PCNX2: variants seen among roughly 807,000 people sequenced by gnomAD.
PCNX2 encodes the protein pecanex 2.
A neutral mutation model predicts 223.8 loss-of-function variants in PCNX2; 168 were observed. The observed-to-expected ratio is 0.75, with a 90% CI of 0.66 to 0.85. The LOEUF is 0.85. Among genes scored for constraint, PCNX2 ranks in the 40% least tolerant of loss-of-function variants. The probability of loss-of-function intolerance (pLI) is 0.00; values close to 1 mark genes in which losing one functional copy is unlikely to be tolerated. For missense variants in PCNX2, 2,507 were observed against 2,675.5 expected (o/e 0.94, Z 1.39); for synonymous variants, 1,006 against 1,052.6 (o/e 0.96, Z 0.86).
chr1:233,045,061 T>C (rs941003990), intron 25 of PCNX2, among the ~76,000 whole-genome samples: 6 of 152,224 alleles, frequency 3.9e-5, no homozygotes, highest in African/African-American at 7.2e-5. Context: ...ATCATTCTTT[T>C]GGGCTATCCA....
rs1660083951 is a variant in PCNX2 at position 233,262,103 on chromosome 1, G to A, written c.422C>T (p.Pro141Leu). The A allele has an allele frequency of 2.5e-6, 4 of 1,613,852 alleles. No individual in the cohort carries two copies. Among genetic ancestry groups the A allele is most frequent in the Non-Finnish European group, 3.4e-6 (4 of 1,179,810 alleles). The part of the protein sequence containing the change: ...EEASRNLSTP[P>L]LRCSSRGQSI... Reference sequence around the variant, plus strand: ...TTGCCCTCTGGAGCTGCAGCGGAGGGGAGGCGTGGAGAGGTTTCGACTGGC... The same window carrying A: ...TTGCCCTCTGGAGCTGCAGCGGAGGAGAGGCGTGGAGAGGTTTCGACTGGC... The change falls in exon 3 of 34, where the codon CCC becomes CTC. Residue 141 changes from proline to leucine, a missense_variant. Physicochemically the swap from Pro to Leu is moderately conservative, Grantham distance 98 (BLOSUM62 -3). Around this residue, in one of 3 missense-constraint regions of PCNX2, gnomAD observed 1,031 missense variants for 1,021.7 expected, o/e 1.01. Transcript: ENST00000258229.
At chr1:233,318,563 C>CTTTTTCTT in the PCNX2 span, among the ~76,000 whole-genome samples, 1,709 of 92,550 alleles carry the variant, frequency 0.018, 28 homozygotes, top group Middle Eastern at 0.079. Context: ...TTTTCTTTTT[C>CTTTTTCTT]TTTTTTTTTT....
At chr1:233,296,643 G>A (rs1662142623), upstream of PCNX2, among the ~76,000 whole-genome samples, 1 of 152,200 alleles carries the variant, frequency 6.6e-6, no homozygotes, top group Admixed American at 6.5e-5. Context: ...CCCTGTGTGA[G>A]CTAGAGCCTT....
intron 19 of PCNX2, among the ~76,000 whole-genome samples, chr1:233,157,771 C>A (rs1678214889): frequency 6.6e-6 from 1 of 152,160 alleles, no homozygotes; most frequent in Admixed American, 6.5e-5. Context: ...CTTAAATCAT[C>A]TTTAAATTTT....
At chr1:233,027,211 T>C (rs1418803141) in intron 25 of PCNX2, among the ~76,000 whole-genome samples, 1 of 152,154 alleles carries the variant, frequency 6.6e-6, no homozygotes, top group African/African-American at 2.4e-5. Context: ...ACATGAAGAA[T>C]TAACTGTTAG....
At chr1:233,320,734 G>A in the PCNX2 span, among the ~76,000 whole-genome samples, 8 of 152,200 alleles carry the variant, frequency 5.3e-5, no homozygotes, top group East Asian at 7.7e-4. Flanking sequence ...GACATTGGTC[G>A]TTTGGAACAT....
intron 21 of PCNX2, among the ~76,000 whole-genome samples, chr1:233,123,989 G>C (rs1024785427): frequency 6.6e-6 from 1 of 152,044 alleles, no homozygotes; most frequent in Non-Finnish European, 1.5e-5. Flanking sequence ...AGTATATAGA[G>C]GTATCATTTA....
intron 32 of PCNX2, among the ~76,000 whole-genome samples, chr1:232,997,190 C>T (rs1473816684): frequency 7.9e-5 from 12 of 152,174 alleles, no homozygotes; most frequent in Admixed American, 2.0e-4. Flanking sequence ...TTGGGTCTGT[C>T]GCTTGTGTCC....
intron 13 of PCNX2, among the ~76,000 whole-genome samples, chr1:233,206,594 T>C (rs900628584): frequency 5.3e-5 from 8 of 152,100 alleles, no homozygotes; most frequent in South Asian, 2.1e-4. Context: ...TAGAAGCAAA[T>C]ATTCTTGGGC....
the PCNX2 span, among the ~76,000 whole-genome samples, chr1:233,321,101 C>G: frequency 7.1e-6 from 1 of 140,040 alleles, no homozygotes; most frequent in Admixed American, 7.8e-5. Context: ...TCACTGCAAG[C>G]TCCGCCTCCG....
At chr1:233,055,366 G>A (rs1484283577) in intron 24 of PCNX2, among the ~76,000 whole-genome samples, 1 of 152,178 alleles carries the variant, frequency 6.6e-6, no homozygotes, top group African/African-American at 2.4e-5. Context: ...GAAGGAGGAA[G>A]CAGCAAAGAA....
chr1:233,020,045 A>C (rs1670826262), intron 26 of PCNX2, among the ~76,000 whole-genome samples: 1 of 152,216 alleles, frequency 6.6e-6, no homozygotes, highest in East Asian at 1.9e-4. Context: ...AATAACAAAC[A>C]AAGACTGAAA....
chr1:233,105,689 A>G (rs1292015308), intron 21 of PCNX2, among the ~76,000 whole-genome samples: 2 of 152,180 alleles, frequency 1.3e-5, no homozygotes, highest in Non-Finnish European at 2.9e-5. Flanking sequence ...AGGCAAGTAA[A>G]TGTGGCGTTA....
intron 1 of PCNX2, chr1:233,288,804 CTTTTT>C (rs10558976): frequency 0.015 from 6,312 of 427,454 alleles, no homozygotes; most frequent in East Asian, 0.023. Context: ...GAAAGATGCC[CTTTTT>C]TTTTTTTTTT....
chr1:233,250,680 A>T, intron 8 of PCNX2, 59 bp downstream of exon 8: 1 of 1,513,892 alleles, frequency 6.6e-7, no homozygotes, highest in Non-Finnish European at 8.8e-7. Flanking sequence ...CTTTATCTTC[A>T]TCGCTGTGTC....
intron 17 of PCNX2, among the ~76,000 whole-genome samples, chr1:233,168,047 T>G (rs895693817): frequency 2.6e-5 from 4 of 152,136 alleles, no homozygotes; most frequent in Admixed American, 6.5e-5. Context: ...AGTTTAAGTA[T>G]CTGTTTCCTT....
At chr1:233,161,974 A>ATT (rs1424625631) in intron 17 of PCNX2, among the ~76,000 whole-genome samples, 1 of 148,092 alleles carries the variant, frequency 6.8e-6, no homozygotes, top group African/African-American at 2.4e-5. Flanking sequence ...ATATATATAT[A>ATT]TTTATATATA....
chr1:233,057,205 T>G, intron 24 of PCNX2, 27 bp downstream of exon 24: 1 of 1,544,548 alleles, frequency 6.5e-7, no homozygotes, highest in Non-Finnish European at 8.9e-7. Flanking sequence ...AATAAATAGT[T>G]GAAAAAGAGA....
In PCNX2 at chr1:233,089,822, C is replaced by T. The variant is rs183412998; in HGVS notation, c.4076+239G>A. On this transcript the variant is annotated intron_variant, in intron 23 of 33. Coordinates refer to ENST00000258229, the MANE Select transcript of PCNX2 (RefSeq NM_014801.4). ...GTGATAACTCACTTTTCCTTCACAA[C>T]TGGTGAAACCTGGACTAGTATTCGT... 26 of 1,214,270 alleles carry T rather than the reference C, an allele frequency of 2.1e-5. No individual in the cohort carries two copies. In the East Asian group the frequency reaches 9.1e-4, roughly 43 times the overall value. The allele number at this position is 1,214,270 out of a possible 1,614,324, so 75.2% of individuals were successfully genotyped here.
Sources: gnomAD v4.1 joint callset for allele counts (sites outside exome capture counted in the v4.1 genomes callset) on GRCh38, gnomAD v4.1.1 for gene constraint, gnomAD v4.1.1 regional missense constraint, MANE v1.5 for transcripts, NCBI Gene and HGNC (gene_info 2026-07-23, HGNC 2026-07-21) for gene names.